Variants in BMAL2 observed in about 807,000 individuals in gnomAD.
The protein encoded by BMAL2 is basic helix-loop-helix ARNT-like protein 2.
the BMAL2 span, among the ~76,000 whole-genome samples, chr12:27,378,131 GA>G: frequency 6.6e-6 from 1 of 152,202 alleles, no homozygotes; most frequent in East Asian, 1.9e-4. Flanking sequence ...AGCAAAGTGT[GA>G]CAGGTAAAAT....
chr12:27,344,544 C>G, the BMAL2 span, among the ~76,000 whole-genome samples: 1 of 151,990 alleles, frequency 6.6e-6, no homozygotes, highest in African/African-American at 2.4e-5. Context: ...CCAGCACAGA[C>G]GGACCCTGCT....
the BMAL2 span, among the ~76,000 whole-genome samples, chr12:27,358,281 A>G: frequency 3.9e-5 from 6 of 152,264 alleles, no homozygotes; most frequent in South Asian, 1.2e-3. Flanking sequence ...GCCAACAAAC[A>G]TATGAAGAAA....
the BMAL2 span, among the ~76,000 whole-genome samples, chr12:27,337,106 C>A: frequency 2.6e-5 from 4 of 152,080 alleles, no homozygotes; most frequent in Middle Eastern, 3.4e-3. Flanking sequence ...TATTTCATTT[C>A]TCTAGTCTTT....
At chr12:27,368,471 A>C in the BMAL2 span, 1 of 1,559,480 alleles carries the variant, frequency 6.4e-7, no homozygotes, top group Admixed American at 1.7e-5. Context: ...GAAGAGGAAA[A>C]TATTCCTTTT....
the BMAL2 span, among the ~76,000 whole-genome samples, chr12:27,414,867 C>T: frequency 1.1e-3 from 164 of 151,966 alleles, no homozygotes; most frequent in Non-Finnish European, 2.0e-3. Context: ...AATTGATAAA[C>T]CATTAGCTAG....
chr12:27,344,706 A>G, the BMAL2 span, among the ~76,000 whole-genome samples: 1 of 152,226 alleles, frequency 6.6e-6, no homozygotes, highest in East Asian at 1.9e-4. Context: ...TCTACAAAAT[A>G]CGTTCACAAC....
the BMAL2 span, among the ~76,000 whole-genome samples, chr12:27,380,818 G>A: frequency 6.6e-6 from 1 of 151,422 alleles, no homozygotes; most frequent in South Asian, 2.1e-4. Context: ...AAACAAGCCT[G>A]GGCAAAAAAA....
chr12:27,358,309 G>A, the BMAL2 span, among the ~76,000 whole-genome samples: 1 of 151,986 alleles, frequency 6.6e-6, no homozygotes, highest in African/African-American at 2.4e-5. Context: ...CATCACTAAT[G>A]ATCATGGAAA....
chr12:27,425,223 A>G, the BMAL2 span: 1 of 151,986 alleles, frequency 6.6e-6, no homozygotes, highest in East Asian at 1.9e-4. Flanking sequence ...AAAAGAGTGA[A>G]ATTATATTTT....
chr12:27,408,361 C>G, the BMAL2 span, among the ~76,000 whole-genome samples: 1 of 152,124 alleles, frequency 6.6e-6, no homozygotes, highest in Non-Finnish European at 1.5e-5. Context: ...ACTGGCAAAC[C>G]AAATCCAGCA....
chr12:27,339,941 G>A, the BMAL2 span, among the ~76,000 whole-genome samples: 1 of 152,008 alleles, frequency 6.6e-6, no homozygotes, highest in Non-Finnish European at 1.5e-5. Flanking sequence ...ACGTTTTAAT[G>A]GAGTTGTTTG....
the BMAL2 span, among the ~76,000 whole-genome samples, chr12:27,352,642 T>C: frequency 1.3e-5 from 2 of 152,116 alleles, no homozygotes; most frequent in African/African-American, 4.8e-5. Context: ...AACAGGAAAA[T>C]AAGTCAAATT....
the BMAL2 span, among the ~76,000 whole-genome samples, chr12:27,338,485 T>C: frequency 0.12 from 18,110 of 147,744 alleles, 1,257 homozygotes; most frequent in Non-Finnish European, 0.16. Context: ...AAAAAAAAGG[T>C]TTGGGAGGGG....
At chr12:27,418,671 C>A in the BMAL2 span, among the ~76,000 whole-genome samples, 1 of 150,712 alleles carries the variant, frequency 6.6e-6, no homozygotes, top group African/African-American at 2.4e-5. Context: ...AATAATTGTA[C>A]TCAATCTTAA....
chr12:27,398,270 C>T, the BMAL2 span, among the ~76,000 whole-genome samples: 1 of 152,144 alleles, frequency 6.6e-6, no homozygotes, highest in Non-Finnish European at 1.5e-5. Context: ...GAAAGGATGT[C>T]CTGTAAATTA....
the BMAL2 span, among the ~76,000 whole-genome samples, chr12:27,410,909 C>T: frequency 6.6e-6 from 1 of 151,664 alleles, no homozygotes; most frequent in Non-Finnish European, 1.5e-5. Flanking sequence ...AAATTAAAAC[C>T]TTACACATAA....
the BMAL2 span, among the ~76,000 whole-genome samples, chr12:27,384,149 A>T: frequency 2.0e-5 from 3 of 152,144 alleles, no homozygotes; most frequent in Admixed American, 2.0e-4. Context: ...TGCCCTGGGG[A>T]TGGCTTGCTT....
At chr12:27,394,950 C>G in the BMAL2 span, among the ~76,000 whole-genome samples, 1 of 152,230 alleles carries the variant, frequency 6.6e-6, no homozygotes, top group East Asian at 1.9e-4. Context: ...TCACCAGAAC[C>G]CAGCCCTGCT....
chr12:27,346,813 G>T, the BMAL2 span, among the ~76,000 whole-genome samples: 1 of 152,180 alleles, frequency 6.6e-6, no homozygotes, highest in African/African-American at 2.4e-5. Context: ...TTGATCTCCA[G>T]TGTTGAAGGT....
Sources: gnomAD v4.1 joint callset for allele counts (sites outside exome capture counted in the v4.1 genomes callset) on GRCh38, gnomAD v4.1.1 for gene constraint, MANE v1.5 for transcripts, NCBI Gene and HGNC (gene_info 2026-07-23, HGNC 2026-07-21) for gene names.